The following MACROH2A1 variants were observed in gnomAD, a reference collection of about 807,000 sequenced individuals.
The protein encoded by MACROH2A1 is macroH2A.1 histone, also known as core histone macro-H2A.1.
A neutral mutation model predicts 31.6 loss-of-function variants in MACROH2A1; 2 were observed. The ratio of observed to expected loss-of-function variants is 0.06; its 90% confidence interval spans 0.03 to 0.20. The LOEUF is 0.20. Among genes scored for constraint, MACROH2A1 ranks in the 10% least tolerant of loss-of-function variants. The pLI, the probability that MACROH2A1 is intolerant of heterozygous loss-of-function variation, is 1.00. For synonymous variants in MACROH2A1, 169 were observed against 189.6 expected (o/e 0.89, Z 0.89); for missense variants, 230 against 474.0 (o/e 0.49, Z 4.78).
At chr5:135,343,062 C>G in intron 8 of MACROH2A1, 198 bp downstream of exon 8, 1 of 1,323,346 alleles carries the variant, frequency 7.6e-7, no homozygotes, top group Non-Finnish European at 1.0e-6. Flanking sequence ...AGTTTTATAT[C>G]ATCCTTGGGA....
intron 1 of MACROH2A1, among the ~76,000 whole-genome samples, chr5:135,395,042 G>C (rs774849964): frequency 2.0e-5 from 3 of 152,134 alleles, no homozygotes; most frequent in Non-Finnish European, 2.9e-5. Flanking sequence ...GGAGCTTGTA[G>C]AGCTACCTTG....
chr5:135,388,407 G>A (rs1766721308), intron 2 of MACROH2A1, among the ~76,000 whole-genome samples: 1 of 152,186 alleles, frequency 6.6e-6, no homozygotes, highest in East Asian at 1.9e-4. Context: ...CTAAGAAAAT[G>A]CTCATCCTGA....
chr5:135,342,249 A>C (rs540739902), intron 8 of MACROH2A1, among the ~76,000 whole-genome samples: 1 of 152,280 alleles, frequency 6.6e-6, no homozygotes, highest in South Asian at 2.1e-4. Context: ...ACACTTCTGA[A>C]AGCACTCTGC....
chr5:135,365,980 G>GT (rs1344297872), intron 4 of MACROH2A1, among the ~76,000 whole-genome samples: 3 of 152,204 alleles, frequency 2.0e-5, no homozygotes, highest in Non-Finnish European at 4.4e-5. Flanking sequence ...CCAGGTGGAG[G>GT]TAACTGGATC....
Position 135,359,613 on chromosome 5 carries a change from C to T in MACROH2A1, c.588+884G>A, listed in dbSNP as rs1045868604. 11 of 984,428 alleles carry T rather than the reference C, an allele frequency of 1.1e-5. No homozygotes were observed. In the East Asian group the frequency reaches 4.5e-4, roughly 41 times the overall value. 61.0% of individuals were successfully genotyped at this position (984,428 alleles called of 1,614,324 possible). On this transcript the variant is annotated intron_variant, in intron 5 of 8. Coordinates refer to ENST00000511689, the MANE Select transcript of MACROH2A1 (RefSeq NM_138610.3). ...GGAGGAGAACTTGCAATGACGTGAG[C>T]GAGGGAACCGTGTCACTGTGATGCA...
rs1015824200 is a variant in MACROH2A1, at chr5:135,352,927, G to A, written c.688+19C>T. On this transcript the variant is annotated intron_variant, in intron 6 of 8. Coordinates refer to ENST00000511689, the MANE Select transcript of MACROH2A1 (RefSeq NM_138610.3). ...TTTTCATCTGACAGCTGGTGGTGCC[G>A]AACCCCGTCCCCAATTACCTAGGTC... 24 of 1,293,158 alleles carry A rather than the reference G, an allele frequency of 1.9e-5. No individual in the cohort carries two copies. In the Admixed American group the frequency reaches 2.0e-4, roughly 11 times the overall value. The allele number at this position is 1,293,158 out of a possible 1,614,324, so 80.1% of individuals were successfully genotyped here.
Position 135,335,160 on chromosome 5 carries a change from G to A in MACROH2A1, c.954-19C>T, listed in dbSNP as rs779068305. 9 of 1,609,508 alleles carry A rather than the reference G, an allele frequency of 5.6e-6. No individual in the cohort carries two copies. Among genetic ancestry groups the A allele is most frequent in the South Asian group, 3.3e-5 (3 of 90,890 alleles). On this transcript the variant is annotated intron_variant, in intron 8 of 8. Coordinates refer to ENST00000511689, the MANE Select transcript of MACROH2A1 (RefSeq NM_138610.3). ...ACCGTTCCTGGAGAAGAGAAGATAA[G>A]CACTCAGCAACTGGGATGCCACGGG...
chr5:135,361,449 T>C (rs1025699896), intron 4 of MACROH2A1: 15 of 152,368 alleles, frequency 9.8e-5, no homozygotes, highest in African/African-American at 3.6e-4. Context: ...TGCGTGTTTT[T>C]GGCATATTTC....
intron 8 of MACROH2A1, among the ~76,000 whole-genome samples, chr5:135,340,507 G>A (rs961735417): frequency 1.3e-5 from 2 of 152,198 alleles, no homozygotes; most frequent in African/African-American, 4.8e-5. Flanking sequence ...GAGGGAGTGG[G>A]GGTATCCATA....
intron 7 of MACROH2A1, chr5:135,343,776 T>C (rs1226104386): frequency 1.0e-5 from 3 of 298,264 alleles, no homozygotes; most frequent in Admixed American, 4.7e-5. Flanking sequence ...GTCAGAACAT[T>C]TGCAGCCTCA....
chr5:135,369,933 C>T lies in MACROH2A1; in HGVS notation c.279+103G>A. ...GCTGCTAATTAATCCAAAAGGCAGT[C>T]CACACCTTTCATAACCAGCCAACAC... On this transcript the variant is annotated intron_variant, in intron 3 of 8. Transcript: ENST00000511689. The surrounding 1 kb of genome is among the most constrained non-coding windows in gnomAD (Gnocchi z 4.3). 4.0e-6 allele frequency: 3 copies of T among 754,302 alleles called. No homozygotes were observed. In the South Asian group the frequency reaches 5.2e-5, roughly 13 times the overall value. The allele number at this position is 754,302 out of a possible 1,614,324, so 46.7% of individuals were successfully genotyped here.
intron 5 of MACROH2A1, chr5:135,353,318 C>A: frequency 2.4e-6 from 1 of 409,376 alleles, no homozygotes; most frequent in South Asian, 2.9e-5. Flanking sequence ...AGGAGATCAG[C>A]TTTCCTTTAA....
chr5:135,358,106 C>T, intron 5 of MACROH2A1: 1 of 983,156 alleles, frequency 1.0e-6, no homozygotes, highest in Non-Finnish European at 1.2e-6. Flanking sequence ...TTTAAATGTG[C>T]TTTTTGTAAA....
intron 4 of MACROH2A1, among the ~76,000 whole-genome samples, chr5:135,365,739 T>C (rs1194264813): frequency 6.6e-6 from 1 of 152,256 alleles, no homozygotes; most frequent in Admixed American, 6.5e-5. Context: ...GCTAAAAATA[T>C]ACTCACTCTT....
At chr5:135,380,140 T>C (rs1033810085) in intron 2 of MACROH2A1, among the ~76,000 whole-genome samples, 2 of 152,192 alleles carry the variant, frequency 1.3e-5, no homozygotes, top group Non-Finnish European at 2.9e-5. Context: ...AAACTCATCA[T>C]TCCTCTAACT....
chr5:135,359,468 A>T, intron 5 of MACROH2A1: 1 of 983,890 alleles, frequency 1.0e-6, no homozygotes, highest in Non-Finnish European at 1.2e-6. Context: ...AATGCATACA[A>T]AATACAAAGA....
At chr5:135,379,910 T>C (rs1022470984) in intron 2 of MACROH2A1, among the ~76,000 whole-genome samples, 33 of 152,166 alleles carry the variant, frequency 2.2e-4, no homozygotes, top group African/African-American at 7.0e-4. Context: ...GTGGCTTTTT[T>C]TTGGCAGACA....
chr5:135,368,973 G>C (rs1302392727), intron 4 of MACROH2A1, among the ~76,000 whole-genome samples: 2 of 152,248 alleles, frequency 1.3e-5, no homozygotes, highest in East Asian at 3.8e-4. Context: ...CGCCCTGATG[G>C]AAGACATGCA....
rs1244528912 is a variant in MACROH2A1, at chr5:135,398,353, AC to A, written c.-34+708del. Reference sequence around the variant, plus strand: ...GGGAAGCCTACAGCCTTCCGGAGTTACCTTTTAAAAAAAGCAAACCCTTCCT... The same window carrying A: ...GGGAAGCCTACAGCCTTCCGGAGTTACTTTTAAAAAAAGCAAACCCTTCCT... On this transcript the variant is annotated intron_variant, in intron 1 of 8. Transcript: ENST00000511689. The surrounding 1 kb of genome is among the most constrained non-coding windows in gnomAD (Gnocchi z 4.6). Among the ~76,000 whole-genome samples the A allele has an allele frequency of 6.6e-6, 1 of 152,090 alleles. No homozygotes were observed. Among genetic ancestry groups the A allele is most frequent in the Non-Finnish European group, 1.5e-5 (1 of 68,032 alleles).
Sources: gnomAD v4.1 joint callset for allele counts (sites outside exome capture counted in the v4.1 genomes callset) on GRCh38, gnomAD v4.1.1 for gene constraint, Gnocchi (gnomAD v3.1) non-coding constraint, MANE v1.5 for transcripts, NCBI Gene and HGNC (gene_info 2026-07-23, HGNC 2026-07-21) for gene names.